Variants in PDE6B observed in about 807,000 individuals in gnomAD.
PDE6B encodes the protein phosphodiesterase 6B.
Under a neutral mutation model 109.0 loss-of-function variants are expected in PDE6B, and 106 were observed. The observed-to-expected ratio is 0.97, with a 90% CI of 0.83 to 1.14. The LOEUF is 1.14. PDE6B is among the 50% of genes most tolerant of loss of function. The pLI, the probability that PDE6B is intolerant of heterozygous loss-of-function variation, is 0.00. For synonymous variants in PDE6B, 490 were observed against 471.3 expected, an observed-to-expected ratio of 1.04 and a Z score of -0.51; for missense variants, 1,193 against 1,155.6, an observed-to-expected ratio of 1.03 and a Z score of -0.47.
At chr4:656,052 G>T (rs751726067) in intron 7 of PDE6B, 46 bp downstream of exon 7, 1 of 1,275,906 alleles carries the variant, frequency 7.8e-7, no homozygotes, top group South Asian at 1.2e-5. Flanking sequence ...GCCCTCACTG[G>T]GTGCGGCGAT....
chr4:645,754 C>T (rs190252536), intron 3 of PDE6B, among the ~76,000 whole-genome samples: 11 of 151,978 alleles, frequency 7.2e-5, no homozygotes, highest in African/African-American at 2.7e-4. Context: ...ACACTCTCTC[C>T]TCTCTTAGCT....
chr4:642,414 TGTG>T (rs1026984672), intron 3 of PDE6B, among the ~76,000 whole-genome samples: 17 of 151,788 alleles, frequency 1.1e-4, no homozygotes, highest in African/African-American at 4.1e-4. Flanking sequence ...AGGCAGAGGT[TGTG>T]GTGAGCCAAG....
In PDE6B at chr4:663,679, G is replaced by A; in HGVS notation, c.1921-91G>A. ...GGGCCCGAGGGCGGGGGCGTGAGAG[G>A]CACAGGCAGCCGAGGCGGAAGGGGC... On this transcript the variant is annotated intron_variant, in intron 15 of 21. Transcript: ENST00000496514. This position sits in a 1 kb window ranked among gnomAD's most constrained non-coding sequence, Gnocchi z 4.0. 1.1e-6 allele frequency: 1 copy of A among 918,590 alleles called. No individual in the cohort carries two copies. The allele number at this position is 918,590 out of a possible 1,614,324, so 56.9% of individuals were successfully genotyped here.
intron 3 of PDE6B, among the ~76,000 whole-genome samples, chr4:649,055 G>T (rs1735355404): frequency 6.6e-6 from 1 of 152,144 alleles, no homozygotes; most frequent in Admixed American, 6.5e-5. Context: ...CGGACTTAGG[G>T]CCCCACCATG....
rs1737866160 is a variant in PDE6B at position 666,918 on chromosome 4, G to C, written c.2352+304G>C. ...CCTACCCCAGAAGTTCTCCCTCAGT[G>C]CCCTCCGCCGTGGCCAGCACACTGT... On this transcript the variant is annotated intron_variant, in intron 20 of 21. Transcript: ENST00000496514. The surrounding 1 kb of genome is among the most constrained non-coding windows in gnomAD (Gnocchi z 5.6). 6.6e-6 allele frequency among the ~76,000 whole-genome samples: 1 copy of C among 152,228 alleles called. No homozygotes were observed. Among genetic ancestry groups the C allele is most frequent in the South Asian group, 2.1e-4 (1 of 4,830 alleles).
intron 3 of PDE6B, chr4:651,614 G>C (rs1172970668): frequency 1.3e-5 from 2 of 152,254 alleles, no homozygotes; most frequent in East Asian, 3.9e-4. Context: ...TGAGCCGCAG[G>C]CGCCGGGGCT....
At chr4:668,481 G>A (rs75309160) in intron 21 of PDE6B, among the ~76,000 whole-genome samples, 6,553 of 88,722 alleles carry the variant, frequency 0.074, 258 homozygotes, top group African/African-American at 0.12. Context: ...ACCCCATGCT[G>A]CTCCCACTAC....
At chr4:659,552 T>C (rs544161015) in intron 11 of PDE6B, among the ~76,000 whole-genome samples, 1 of 151,356 alleles carries the variant, frequency 6.6e-6, no homozygotes, top group Admixed American at 6.6e-5. Context: ...TGCACAGGTG[T>C]GTACATGTGT....
At chr4:629,382 G>A (rs1040063111) in intron 1 of PDE6B, among the ~76,000 whole-genome samples, 12 of 152,352 alleles carry the variant, frequency 7.9e-5, no homozygotes, top group African/African-American at 2.6e-4. Context: ...GTGGGGCTCG[G>A]CCACGGCCAC....
chr4:662,193 C>G lies in PDE6B; in HGVS notation c.1674C>G (p.Asn558Lys). The G allele has an allele frequency of 6.3e-7, 1 of 1,581,508 alleles. No homozygotes were observed. The highest frequency in any genetic ancestry group is 8.6e-7 in the Non-Finnish European group (1 of 1,163,926). Residue 558 changes from asparagine to lysine, a missense_variant, in exon 13 of 22, where the codon AAC (asparagine) becomes AAG (lysine). Coordinates refer to ENST00000496514, the MANE Select transcript of PDE6B (RefSeq NM_000283.4). This position sits in a 1 kb window ranked among gnomAD's most constrained non-coding sequence, Gnocchi z 4.3. ...GGTACCGGAGAATCACCTACCACAA[C>G]TGGCGCCACGGCTTCAACGTGGCCC... ...SKGYRRITYH[N>K]WRHGFNVAQT...
chr4:662,729 C>T lies in PDE6B; in HGVS notation c.1832+111C>T. 1.3e-6 allele frequency: 1 copy of T among 764,750 alleles called. No homozygotes were observed. The highest frequency in any genetic ancestry group is 1.7e-5 in the African/African-American group (1 of 58,382). 47.4% of individuals were successfully genotyped at this position (764,750 alleles called of 1,614,324 possible). ...GTAGAAAGTGGAGTCCACGGCCAGG[C>T]CCCGTACTCCAGCACTGTGGGAGGC... On this transcript the variant is annotated intron_variant, in intron 14 of 21. Coordinates refer to ENST00000496514, the MANE Select transcript of PDE6B (RefSeq NM_000283.4). The surrounding 1 kb of genome is among the most constrained non-coding windows in gnomAD (Gnocchi z 4.3).
At position 627,060 on chromosome 4, in the gene PDE6B, T is replaced by G. The variant is rs1309502818; in HGVS notation, c.468+966T>G. 7.9e-5 allele frequency among the ~76,000 whole-genome samples: 12 copies of G among 152,252 alleles called. No homozygotes were observed. In the South Asian group the frequency reaches 1.2e-3, roughly 16 times the overall value. ...CTCTTGCTGGATGAGCCTTGGGAAT[T>G]ACCCACCAGGCTGCCAGCCCAGGGG... On this transcript the variant is annotated intron_variant, in intron 1 of 21. Transcript: ENST00000496514.
chr4:641,533 G>T (rs536052902), intron 3 of PDE6B, among the ~76,000 whole-genome samples: 5 of 152,346 alleles, frequency 3.3e-5, no homozygotes, highest in African/African-American at 9.6e-5. Flanking sequence ...TAAAACCAAG[G>T]TCTATTGGGC....
At chr4:627,124 C>G (rs1734147527) in intron 1 of PDE6B, among the ~76,000 whole-genome samples, 1 of 151,562 alleles carries the variant, frequency 6.6e-6, no homozygotes, top group Non-Finnish European at 1.5e-5. Context: ...TGGGGAGTGG[C>G]AATCCTGGTT....
chr4:630,205 T>C (rs900035048), intron 1 of PDE6B, among the ~76,000 whole-genome samples: 1 of 152,022 alleles, frequency 6.6e-6, no homozygotes, highest in Admixed American at 6.6e-5. Context: ...CAGCTGGCAG[T>C]CGGACAGGGA....
At chr4:655,739 A>C (rs1487037467) in intron 6 of PDE6B, 1 of 648,882 alleles carries the variant, frequency 1.5e-6, no homozygotes, top group Non-Finnish European at 2.8e-6. Flanking sequence ...ACCCCAGTAC[A>C]CCTACATCCA....
intron 1 of PDE6B, among the ~76,000 whole-genome samples, chr4:628,862 G>A (rs950250536): frequency 7.2e-5 from 11 of 152,176 alleles, no homozygotes; most frequent in Admixed American, 5.2e-4. Context: ...AGAACCCCAC[G>A]ACTACACATG....
At chr4:639,886 G>T (rs575089897) in intron 3 of PDE6B, among the ~76,000 whole-genome samples, 2 of 151,952 alleles carry the variant, frequency 1.3e-5, no homozygotes, top group Non-Finnish European at 2.9e-5. Flanking sequence ...CAGGAGAATC[G>T]CTTGAACCCA....
intron 11 of PDE6B, among the ~76,000 whole-genome samples, chr4:659,577 G>A (rs1405358246): frequency 6.6e-6 from 1 of 151,596 alleles, no homozygotes; most frequent in Non-Finnish European, 1.5e-5. Flanking sequence ...ATGTGGGTGT[G>A]TGTGTGCACA....
Sources: gnomAD v4.1 joint callset for allele counts (sites outside exome capture counted in the v4.1 genomes callset) on GRCh38, gnomAD v4.1.1 for gene constraint, Gnocchi (gnomAD v3.1) non-coding constraint, MANE v1.5 for transcripts, NCBI Gene and HGNC (gene_info 2026-07-23, HGNC 2026-07-21) for gene names.